The following CUX1 variants were observed in gnomAD, a reference collection of about 807,000 sequenced individuals.
The protein encoded by CUX1 is cut like homeobox 1.
In CUX1, 31 loss-of-function variants were observed where a neutral mutation model predicts 158.8. That is an observed-to-expected ratio of 0.20 (90% CI 0.15 to 0.26). The LOEUF (loss-of-function observed/expected upper bound fraction) is 0.26. CUX1 is among the 10% of genes least tolerant of loss of function. The pLI is 1.00. For synonymous variants in CUX1, 879 were observed against 862.1 expected, an observed-to-expected ratio of 1.02 and a Z score of -0.34; for missense variants, 1,589 against 2,014.6, an observed-to-expected ratio of 0.79 and a Z score of 4.04.
chr7:102,244,033 A>G lies in CUX1; in HGVS notation c.3888-4379A>G, dbSNP rs1437443604. Among the ~76,000 whole-genome samples the G allele has an allele frequency of 3.3e-5, 5 of 151,856 alleles. No individual in the cohort carries two copies. The East Asian group carries it at 9.7e-4, about 29-fold the overall frequency. On this transcript the variant is annotated intron_variant, in intron 23 of 23. Transcript: ENST00000292535. Reference sequence around the variant, plus strand: ...CAGAGCAAAACTCCGTCTCAAAAAAATAAAAATAAAAATAAAAAAAGACCA... The same window carrying G: ...CAGAGCAAAACTCCGTCTCAAAAAAGTAAAAATAAAAATAAAAAAAGACCA...
At chr7:101,874,918 C>A (rs1388359514) in intron 1 of CUX1, among the ~76,000 whole-genome samples, 1 of 152,216 alleles carries the variant, frequency 6.6e-6, no homozygotes, top group Non-Finnish European at 1.5e-5. Flanking sequence ...CCGCCTGTCC[C>A]AGAGCATCGA....
chr7:101,924,080 T>G (rs1454448680), intron 2 of CUX1, among the ~76,000 whole-genome samples: 1 of 151,924 alleles, frequency 6.6e-6, no homozygotes, highest in Non-Finnish European at 1.5e-5. Flanking sequence ...GGGGAGGAGG[T>G]CCCTCCTTTT....
chr7:101,911,849 G>T (rs1803521114), intron 1 of CUX1, among the ~76,000 whole-genome samples: 1 of 152,256 alleles, frequency 6.6e-6, no homozygotes, highest in South Asian at 2.1e-4. Flanking sequence ...GGCTGGGTGG[G>T]ACTGAAACCT....
rs574821399 is a variant in CUX1, at chr7:101,849,280, A to G, written c.30+31611A>G. Among the ~76,000 whole-genome samples, 462 of 150,274 alleles carry G rather than the reference A, an allele frequency of 3.1e-3. 3 individuals are homozygous for G. Among genetic ancestry groups the G allele is most frequent in the African/African-American group, 0.011 (445 of 41,036 alleles). On this transcript the variant is annotated intron_variant, in intron 1 of 23. Coordinates refer to ENST00000292535, the MANE Select transcript of CUX1 (RefSeq NM_181552.4). ...CACCCAGGTATTAAGCCCAGTATCC[A>G]TTAGTTTTTTTTTTTTTTTAGTTAT...
At chr7:102,025,077 G>C (rs1490204648) in intron 2 of CUX1, among the ~76,000 whole-genome samples, 1 of 152,000 alleles carries the variant, frequency 6.6e-6, no homozygotes, top group Non-Finnish European at 1.5e-5. Context: ...ATAGCATTCC[G>C]ACCTCTGCGT....
chr7:102,076,016 C>T (rs1369973583), intron 4 of CUX1, among the ~76,000 whole-genome samples: 8 of 152,012 alleles, frequency 5.3e-5, no homozygotes, highest in African/African-American at 1.9e-4. Flanking sequence ...CATCCCCACC[C>T]GCCCCACTTC....
intron 23 of CUX1, among the ~76,000 whole-genome samples, chr7:102,246,195 G>A (rs1463824475): frequency 6.6e-6 from 1 of 152,038 alleles, no homozygotes; most frequent in Non-Finnish European, 1.5e-5. Context: ...CAGAATAGGT[G>A]GGGTGGAGAG....
chr7:101,846,483 C>T (rs1253559398), intron 1 of CUX1, among the ~76,000 whole-genome samples: 1 of 152,136 alleles, frequency 6.6e-6, no homozygotes, highest in African/African-American at 2.4e-5. Flanking sequence ...AGGTGTGTGC[C>T]ACCACACCCA....
At chr7:102,035,876 ATT>A (rs1268961127) in intron 3 of CUX1, among the ~76,000 whole-genome samples, 1 of 151,622 alleles carries the variant, frequency 6.6e-6, no homozygotes, top group African/African-American at 2.4e-5. Flanking sequence ...TCCCAACAAA[ATT>A]TTTTTTGTTT....
At chr7:102,090,702 T>TTC (rs1368404094) in intron 4 of CUX1, among the ~76,000 whole-genome samples, 4 of 141,856 alleles carry the variant, frequency 2.8e-5, no homozygotes, top group Non-Finnish European at 6.4e-5. Flanking sequence ...TTTTTTTTTT[T>TTC]TCCTAGCTTT....
chr7:102,072,233 C>T (rs1445324884), intron 4 of CUX1, among the ~76,000 whole-genome samples: 1 of 152,224 alleles, frequency 6.6e-6, no homozygotes, highest in African/African-American at 2.4e-5. Context: ...AGATTCTTCT[C>T]GGGTCTAAAT....
chr7:102,017,495 T>G (rs769295225), intron 2 of CUX1, among the ~76,000 whole-genome samples: 12 of 152,110 alleles, frequency 7.9e-5, no homozygotes, highest in South Asian at 2.1e-4. Context: ...GGGCAGGGAC[T>G]GTGACTGTCT....
chr7:101,816,424 C>CGCCGCCGCCGCCGTT (rs1439127298), upstream of CUX1, among the ~76,000 whole-genome samples: 5 of 141,160 alleles, frequency 3.5e-5, no homozygotes, highest in African/African-American at 1.3e-4. Context: ...CCGCCGCCAG[C>CGCCGCCGCCGCCGTT]GCCGCCGCCG....
In CUX1 at chr7:101,999,877, CATGCGTGCGTGT is replaced by C. The variant is rs555905490; in HGVS notation, c.142-28220_142-28209del. Among the ~76,000 whole-genome samples the C allele has an allele frequency of 3.4e-4, 52 of 152,210 alleles. No homozygotes were observed. In the East Asian group the frequency reaches 9.3e-3, roughly 27 times the overall value. Reference sequence around the variant, plus strand: ...AACCAGGGCCTGGTTTTATCAGTGGCATGCGTGCGTGTGTGTGTGCGTGTGTGTGTGCATGTG... The same window carrying C: ...AACCAGGGCCTGGTTTTATCAGTGGCGTGTGTGCGTGTGTGTGTGCATGTG... On this transcript the variant is annotated intron_variant, in intron 2 of 23. Transcript: ENST00000292535.
rs1810138915 is a variant in CUX1, at chr7:101,959,132, G to A, written c.141+42907G>A. On this transcript the variant is annotated intron_variant, in intron 2 of 23. Coordinates refer to ENST00000292535, the MANE Select transcript of CUX1 (RefSeq NM_181552.4). ...ACTTCGGCCTCCCAAAGGATTACAG[G>A]TGTGAGCAACCACGCCCAGCCTGGA... Among the ~76,000 whole-genome samples, 3 of 152,114 alleles carry A rather than the reference G, an allele frequency of 2.0e-5. No individual in the cohort carries two copies. In the South Asian group the frequency reaches 6.2e-4, roughly 32 times the overall value.
rs1298768744 is a variant in CUX1, at chr7:102,197,247, G to A, written c.1836G>A (p.Gln612=). The part of the protein sequence containing the change: ...RGKEPFHKMK[Q]FLSDEQNILA... ...AGGAGCCATTTCACAAGATGAAACA[G>A]TTCCTCTCCGATGAGCAGAACATCC... The change falls in exon 15 of 24, where the codon CAG becomes CAA. Residue 612 remains glutamine, a synonymous_variant. Transcript: ENST00000292535. 6.2e-7 allele frequency: 1 copy of A among 1,614,074 alleles called. No homozygotes were observed. The highest frequency in any genetic ancestry group is 2.2e-5 in the East Asian group (1 of 44,904).
chr7:102,177,294 A>G (rs1330143510), intron 10 of CUX1, among the ~76,000 whole-genome samples: 10 of 151,876 alleles, frequency 6.6e-5, no homozygotes, highest in Admixed American at 2.6e-4. Flanking sequence ...CCCACCTGTA[A>G]TCCCAGCTAC....
chr7:101,957,518 C>T (rs146555746), intron 2 of CUX1, among the ~76,000 whole-genome samples: 9 of 152,152 alleles, frequency 5.9e-5, no homozygotes, highest in African/African-American at 1.9e-4. Context: ...GTCAGGAGTT[C>T]GAGACCAGCC....
At chr7:102,187,928 T>C (rs1471294179) in intron 11 of CUX1, among the ~76,000 whole-genome samples, 1 of 152,170 alleles carries the variant, frequency 6.6e-6, no homozygotes, top group Non-Finnish European at 1.5e-5. Flanking sequence ...CAAGGGCACC[T>C]ACAGGCATGG....
Sources: gnomAD v4.1 joint callset for allele counts (sites outside exome capture counted in the v4.1 genomes callset) on GRCh38, gnomAD v4.1.1 for gene constraint, MANE v1.5 for transcripts, NCBI Gene and HGNC (gene_info 2026-07-23, HGNC 2026-07-21) for gene names.